Variants in SLC7A14 observed in about 807,000 individuals in gnomAD.
SLC7A14 encodes solute carrier family 7 member 14, also known as gamma-aminobutyric acid transporter SLC7A14.
SLC7A14 carries 37 observed loss-of-function variants against 60.2 expected under a neutral mutation model. That is an observed-to-expected ratio of 0.61 (90% confidence interval 0.47 to 0.81). The LOEUF (loss-of-function observed/expected upper bound fraction) is 0.81, where lower values mean the gene tolerates loss of function less well. Ranked by LOEUF, SLC7A14 falls within the 30% of genes least tolerant of loss-of-function variation. SLC7A14 has a pLI of 0.00. For synonymous variants in SLC7A14, 399 were observed against 395.8 expected (o/e 1.01, Z -0.10); for missense variants, 886 against 982.7 (o/e 0.90, Z 1.32).
chr3:170,477,558 T>C (rs1200734299), intron 7 of SLC7A14, among the ~76,000 whole-genome samples: 1 of 152,238 alleles, frequency 6.6e-6, no homozygotes, highest in Non-Finnish European at 1.5e-5. Context: ...ATAAGCACGG[T>C]ACAAGTGCTC....
At chr3:170,487,744 T>C (rs1044550921) in intron 4 of SLC7A14, among the ~76,000 whole-genome samples, 2 of 152,210 alleles carry the variant, frequency 1.3e-5, no homozygotes, top group African/African-American at 4.8e-5. Flanking sequence ...GTTTCAACCC[T>C]CTACTCTGGG....
At chr3:170,582,241 C>G (rs961761328) in intron 1 of SLC7A14, among the ~76,000 whole-genome samples, 2 of 152,054 alleles carry the variant, frequency 1.3e-5, no homozygotes, top group African/African-American at 4.8e-5. Context: ...CTTACTTCTT[C>G]CCAGTTCCTA....
chr3:170,543,247 G>A (rs558870893), intron 1 of SLC7A14, among the ~76,000 whole-genome samples: 7 of 152,196 alleles, frequency 4.6e-5, no homozygotes, highest in South Asian at 2.1e-4. Context: ...TGCCTCCTCC[G>A]GAAGAGAGGG....
intron 2 of SLC7A14, among the ~76,000 whole-genome samples, chr3:170,508,444 T>C (rs1260545087): frequency 6.6e-6 from 1 of 152,242 alleles, no homozygotes; most frequent in Non-Finnish European, 1.5e-5. Flanking sequence ...TTGCGCATAC[T>C]GTGTCTTATA....
Position 170,584,508 on chromosome 3 carries a change from T to C in SLC7A14, c.-153+1403A>G, listed in dbSNP as rs977665482. On this transcript the variant is annotated intron_variant, in intron 1 of 7. Transcript: ENST00000231706. ...AACTGGATCCTGAAGTGACACCCGC[T>C]TCCTGCTCTTCCACTCAGGAAAGCC... is the stretch of plus-strand genomic sequence containing the variant. Among the ~76,000 whole-genome samples, 5 of 152,194 alleles carry C rather than the reference T, an allele frequency of 3.3e-5. No homozygotes were observed. In the East Asian group the frequency reaches 9.6e-4, roughly 29 times the overall value.
At chr3:170,520,514 C>T (rs182184513) in intron 2 of SLC7A14, among the ~76,000 whole-genome samples, 117 of 152,306 alleles carry the variant, frequency 7.7e-4, no homozygotes, top group African/African-American at 2.4e-3. Flanking sequence ...TGTCTCAGGA[C>T]TGATACATGG....
At chr3:170,526,301 C>CTGAA (rs1302053102) in intron 2 of SLC7A14, among the ~76,000 whole-genome samples, 1 of 151,518 alleles carries the variant, frequency 6.6e-6, no homozygotes, top group Admixed American at 6.6e-5. Flanking sequence ...ACTCAGAAGG[C>CTGAA]TGAAGCAGGA....
chr3:170,555,495 A>G (rs1228552982), intron 1 of SLC7A14, among the ~76,000 whole-genome samples: 2 of 152,188 alleles, frequency 1.3e-5, no homozygotes, highest in African/African-American at 2.4e-5. Context: ...CATGCATTAC[A>G]TAATGATGGG....
At chr3:170,565,024 A>G (rs1376577559) in intron 1 of SLC7A14, among the ~76,000 whole-genome samples, 2 of 152,202 alleles carry the variant, frequency 1.3e-5, no homozygotes, top group African/African-American at 4.8e-5. Flanking sequence ...CTCGATTGTT[A>G]GAAGGAAATC....
At chr3:170,500,393 C>T (rs1712565217) in intron 3 of SLC7A14, among the ~76,000 whole-genome samples, 1 of 134,104 alleles carries the variant, frequency 7.5e-6, no homozygotes, top group Non-Finnish European at 1.5e-5. Flanking sequence ...GAGCCCAGAT[C>T]ATGCCATTGC....
chr3:170,570,358 G>A (rs962554078), intron 1 of SLC7A14: 1 of 151,998 alleles, frequency 6.6e-6, no homozygotes, highest in African/African-American at 2.4e-5. Context: ...TGAGGTGGGA[G>A]GATCAGTTGA....
chr3:170,494,660 G>A (rs768354372), intron 4 of SLC7A14, among the ~76,000 whole-genome samples: 1 of 152,142 alleles, frequency 6.6e-6, no homozygotes, highest in Non-Finnish European at 1.5e-5. Flanking sequence ...GCTAATAGGA[G>A]GATTTTGAAA....
At chr3:170,583,337 G>C (rs533862554) in intron 1 of SLC7A14, among the ~76,000 whole-genome samples, 5 of 152,210 alleles carry the variant, frequency 3.3e-5, no homozygotes, top group Non-Finnish European at 7.3e-5. Flanking sequence ...GGACCAGAGG[G>C]GAAAGAGCTG....
At chr3:170,476,993 G>A (rs908654931) in intron 7 of SLC7A14, 4 of 152,326 alleles carry the variant, frequency 2.6e-5, no homozygotes, top group South Asian at 4.1e-4. Context: ...GGGTCCTCTC[G>A]TTCAGAAATT....
chr3:170,516,580 A>G (rs1713167011), intron 2 of SLC7A14, among the ~76,000 whole-genome samples: 1 of 151,716 alleles, frequency 6.6e-6, no homozygotes, highest in Non-Finnish European at 1.5e-5. Flanking sequence ...AATAATAACA[A>G]TAAAATAAAA....
chr3:170,504,360 G>A lies in SLC7A14; in HGVS notation c.305-3015C>T, dbSNP rs906672924. Among the ~76,000 whole-genome samples the A allele has an allele frequency of 8.6e-5, 13 of 151,156 alleles. 2 individuals are homozygous for A. In the East Asian group the frequency reaches 9.7e-4, roughly 11 times the overall value. On this transcript the variant is annotated intron_variant, in intron 2 of 7. Coordinates refer to ENST00000231706, the MANE Select transcript of SLC7A14 (RefSeq NM_020949.3). Reference sequence around the variant, plus strand: ...TTTTTAGATGGAGTTTCACTCTGTCGCCCAGGCTGGAGTGCAGTGGTGTGA... The same window carrying A: ...TTTTTAGATGGAGTTTCACTCTGTCACCCAGGCTGGAGTGCAGTGGTGTGA...
chr3:170,470,332 G>GTGTGTGTGTGTA (rs1487970909), intron 7 of SLC7A14, among the ~76,000 whole-genome samples: 1 of 151,676 alleles, frequency 6.6e-6, no homozygotes, highest in Non-Finnish European at 1.5e-5. Context: ...GTGTGTGTGT[G>GTGTGTGTGTGTA]TGTGTGTATG....
chr3:170,543,300 T>G (rs1241080271), intron 1 of SLC7A14, among the ~76,000 whole-genome samples: 2 of 152,140 alleles, frequency 1.3e-5, no homozygotes, highest in African/African-American at 4.8e-5. Flanking sequence ...GAGAGGCCAT[T>G]TTACTATGCT....
chr3:170,513,473 A>G (rs1713051507), intron 2 of SLC7A14, among the ~76,000 whole-genome samples: 1 of 152,260 alleles, frequency 6.6e-6, no homozygotes, highest in Non-Finnish European at 1.5e-5. Flanking sequence ...TAAAGAGTTA[A>G]TAAGGTCTAC....
Sources: allele counts gnomAD v4.1 joint callset (sites outside exome capture counted in the v4.1 genomes callset), GRCh38; gene constraint gnomAD v4.1.1; transcripts MANE v1.5; gene names NCBI Gene and HGNC (gene_info 2026-07-23, HGNC 2026-07-21).